The following NBPF3 variants were observed in gnomAD, a reference collection of about 807,000 sequenced individuals.
The protein encoded by NBPF3 is NBPF member 3.
In NBPF3, 57 loss-of-function variants were observed where a neutral mutation model predicts 78.1. That is an observed-to-expected ratio of 0.73 (90% CI 0.59 to 0.91). NBPF3 has a LOEUF of 0.91. Ranked by LOEUF, NBPF3 falls within the 40% of genes least tolerant of loss-of-function variation. The pLI is 0.00. For missense variants in NBPF3, 510 were observed against 715.3 expected (o/e 0.71, Z 3.27); for synonymous variants, 182 against 271.7 (o/e 0.67, Z 3.25).
At chr1:21,467,379 C>T (rs994829207) in intron 2 of NBPF3, 28 of 985,756 alleles carry the variant, frequency 2.8e-5, no homozygotes, top group Non-Finnish European at 3.1e-5. Context: ...GCTCACAAAA[C>T]CTAGGTGGGG....
At chr1:21,458,802 A>G (rs1409393185) in intron 2 of NBPF3, among the ~76,000 whole-genome samples, 2 of 152,220 alleles carry the variant, frequency 1.3e-5, no homozygotes, top group African/African-American at 4.8e-5. Context: ...TTTGGGGCGT[A>G]GGGAAATTCC....
upstream of NBPF3, among the ~76,000 whole-genome samples, chr1:21,439,300 C>T (rs541710031): frequency 6.6e-6 from 1 of 151,988 alleles, no homozygotes; most frequent in East Asian, 1.9e-4. Context: ...ACCAGCCTTG[C>T]CAACATGGTG....
At chr1:21,450,427 G>A (rs1279969888) in intron 2 of NBPF3, among the ~76,000 whole-genome samples, 1 of 152,172 alleles carries the variant, frequency 6.6e-6, no homozygotes, top group Non-Finnish European at 1.5e-5. Context: ...ATGGAGTGGT[G>A]TGATTAGATC....
upstream of NBPF3, chr1:21,436,806 C>A: frequency 4.5e-6 from 5 of 1,122,708 alleles, no homozygotes; most frequent in Non-Finnish European, 5.7e-6. The surrounding 1 kb of genome is among the most constrained non-coding windows in gnomAD (Gnocchi z 4.3). Flanking sequence ...AGCTGCAGGT[C>A]CAGGTAGGAA....
chr1:21,438,974 G>A (rs1640492243), upstream of NBPF3, among the ~76,000 whole-genome samples: 5 of 152,226 alleles, frequency 3.3e-5, no homozygotes. Context: ...TGCCTGAAAA[G>A]CACAAAAGCA....
intron 2 of NBPF3, among the ~76,000 whole-genome samples, chr1:21,462,148 T>G (rs985176369): frequency 6.6e-6 from 1 of 152,100 alleles, no homozygotes; most frequent in African/African-American, 2.4e-5. Context: ...GGGCCATGCT[T>G]CTTGTACAGC....
intron 1 of NBPF3, chr1:21,442,206 T>G (rs113555048): frequency 6.6e-6 from 1 of 152,216 alleles, no homozygotes; most frequent in African/African-American, 2.4e-5. Context: ...TTTTCATGAA[T>G]GGAGATTCTC....
At chr1:21,437,143 T>TAGCAA (rs1640441580), upstream of NBPF3, among the ~76,000 whole-genome samples, 1 of 151,780 alleles carries the variant, frequency 6.6e-6, no homozygotes, top group Non-Finnish European at 1.5e-5. Flanking sequence ...GCCAGGACCC[T>TAGCAA]GGGAAAAGGT....
chr1:21,461,720 T>C (rs796162490), intron 2 of NBPF3, among the ~76,000 whole-genome samples: 88 of 152,240 alleles, frequency 5.8e-4, no homozygotes, highest in African/African-American at 1.7e-3. Context: ...GCCTCAGCCT[T>C]GCAAAGTCTT....
rs200559709 is a variant in NBPF3, at chr1:21,442,682, C to G, written c.-139-2266C>G. On this transcript the variant is annotated intron_variant, in intron 1 of 14. Coordinates refer to ENST00000318249, the MANE Select transcript of NBPF3 (RefSeq NM_032264.6). ...TTCAGTTTTTGCATTTTTTTTTTTT[C>G]AGACAGGGCCTCACTCTATTGCCCA... 3.2e-4 allele frequency among the ~76,000 whole-genome samples: 45 copies of G among 141,206 alleles called. 1 individual carries two copies. The highest frequency in any genetic ancestry group is 9.4e-4 in the African/African-American group (35 of 37,306). 92.6% of individuals were successfully genotyped at this position (141,206 alleles called of 152,430 possible).
intron 3 of NBPF3, among the ~76,000 whole-genome samples, chr1:21,469,340 C>T (rs191462613): frequency 4.6e-5 from 7 of 152,262 alleles, no homozygotes; most frequent in Admixed American, 4.6e-4. Context: ...CTGAGGAAAA[C>T]TTGGTGATAG....
chr1:21,448,408 G>A lies in NBPF3; in HGVS notation c.133+3189G>A, dbSNP rs371429097. Among the ~76,000 whole-genome samples, 120 of 151,540 alleles carry A rather than the reference G, an allele frequency of 7.9e-4. 3 individuals are homozygous for A. In the South Asian group the frequency reaches 0.025, roughly 31 times the overall value. Reference sequence around the variant, plus strand: ...AAGGCTGTCTTTGCTGTTTTAAATTGTCTCTAAACCTTCATGGACGATCAG... The same window carrying A: ...AAGGCTGTCTTTGCTGTTTTAAATTATCTCTAAACCTTCATGGACGATCAG... On this transcript the variant is annotated intron_variant, in intron 2 of 14. Transcript: ENST00000318249.
rs2651408 is a variant in NBPF3 at position 21,484,771 on chromosome 1, G to T, written c.*1385G>T. The T allele has an allele frequency of 4.7e-4, 30 of 63,604 alleles. 3 individuals carry two copies. Among genetic ancestry groups the T allele is most frequent in the African/African-American group, 9.8e-4 (24 of 24,410 alleles). The allele number at this position is 63,604 out of a possible 1,614,324, so 3.9% of individuals were successfully genotyped here. ...ATTCATATCTCTACGCTGGAAATTT[G>T]CTGCCTCAATGTTTACTGTGCCTTT... On this transcript the variant is annotated 3_prime_UTR_variant, in exon 15 of 15. Transcript: ENST00000318249.
At chr1:21,439,803 C>G (rs1343185457), upstream of NBPF3, among the ~76,000 whole-genome samples, 1 of 152,112 alleles carries the variant, frequency 6.6e-6, no homozygotes, top group Non-Finnish European at 1.5e-5. Context: ...GGGGACGCTC[C>G]GGGCCTCCGA....
rs187317596 is a variant in NBPF3 at position 21,472,693 on chromosome 1, T to C, written c.662-150T>C. 3,108 of 696,258 alleles carry C rather than the reference T, an allele frequency of 4.5e-3. 23 individuals carry two copies. Among genetic ancestry groups the C allele is most frequent in the Non-Finnish European group, 5.9e-3 (2,285 of 384,686 alleles). 43.1% of individuals were successfully genotyped at this position (696,258 alleles called of 1,614,324 possible). On this transcript the variant is annotated intron_variant, in intron 5 of 14. Transcript: ENST00000318249. Reference sequence around the variant, plus strand: ...CATTGCCTGATGGATCGGGAAACCATGCCAGGGCATTTTGTTAACGATAAA... The same window carrying C: ...CATTGCCTGATGGATCGGGAAACCACGCCAGGGCATTTTGTTAACGATAAA...
chr1:21,446,883 C>T (rs1641019797), intron 2 of NBPF3, among the ~76,000 whole-genome samples: 2 of 152,106 alleles, frequency 1.3e-5, no homozygotes. Context: ...TTACCAGAAA[C>T]CTGCACTGTC....
At chr1:21,446,572 T>TTCCC (rs962432752) in intron 2 of NBPF3, 1 of 123,062 alleles carries the variant, frequency 8.1e-6, no homozygotes, top group East Asian at 2.9e-4. Context: ...TTCTTCCTCC[T>TTCCC]TCCCTCCCTC....
Position 21,460,314 on chromosome 1 carries a change from G to C in NBPF3, c.134-8374G>C, listed in dbSNP as rs949814996. ...AGGTGTACATGTGCCATGTTGGTTT[G>C]CTGCACCCATTAACTCGTCATTTAC... On this transcript the variant is annotated intron_variant, in intron 2 of 14. Transcript: ENST00000318249. The surrounding 1 kb of genome is among the most constrained non-coding windows in gnomAD (Gnocchi z 4.2). Among the ~76,000 whole-genome samples, 1 of 152,130 alleles carries C rather than the reference G, an allele frequency of 6.6e-6. No homozygotes were observed. The highest frequency in any genetic ancestry group is 2.4e-5 in the African/African-American group (1 of 41,402).
At chr1:21,459,259 G>A (rs554849528) in intron 2 of NBPF3, among the ~76,000 whole-genome samples, 4 of 152,066 alleles carry the variant, frequency 2.6e-5, no homozygotes, top group African/African-American at 9.7e-5. Flanking sequence ...TAGGCAAGTC[G>A]GTCTTGAAGA....
Sources: gnomAD v4.1 joint callset for allele counts (sites outside exome capture counted in the v4.1 genomes callset) on GRCh38, gnomAD v4.1.1 for gene constraint, Gnocchi (gnomAD v3.1) non-coding constraint, MANE v1.5 for transcripts, NCBI Gene and HGNC (gene_info 2026-07-23, HGNC 2026-07-21) for gene names.